KCNH5: variants seen among roughly 807,000 people sequenced by gnomAD.
KCNH5 encodes the protein potassium voltage-gated channel subfamily H member 5.
A neutral mutation model predicts 96.1 loss-of-function variants in KCNH5; 46 were observed. The ratio of observed to expected loss-of-function variants is 0.48; its 90% confidence interval spans 0.38 to 0.61. The LOEUF (loss-of-function observed/expected upper bound fraction) is 0.61, where lower values mean the gene tolerates loss of function less well. Ranked by LOEUF, KCNH5 falls within the 20% of genes least tolerant of loss-of-function variation. The pLI is 0.00. For synonymous variants in KCNH5, 439 were observed against 449.8 expected (o/e 0.98, Z 0.30); for missense variants, 907 against 1,225.8 (o/e 0.74, Z 3.88).
At chr14:63,003,090 A>G (rs1891041060) in intron 3 of KCNH5, among the ~76,000 whole-genome samples, 1 of 152,160 alleles carries the variant, frequency 6.6e-6, no homozygotes, top group Non-Finnish European at 1.5e-5. Flanking sequence ...TCTGTTAGAA[A>G]TCTGAACAGA....
At chr14:62,870,128 C>A (rs1221344095) in intron 7 of KCNH5, among the ~76,000 whole-genome samples, 1 of 152,114 alleles carries the variant, frequency 6.6e-6, no homozygotes, top group African/African-American at 2.4e-5. Flanking sequence ...ATAAGTCTCC[C>A]AACAAGCTTA....
intron 8 of KCNH5, among the ~76,000 whole-genome samples, chr14:62,827,870 T>A (rs575384744): frequency 6.6e-6 from 1 of 152,108 alleles, no homozygotes; most frequent in African/African-American, 2.4e-5. Flanking sequence ...CATGTTTTGA[T>A]GGGCACCAAC....
Position 62,779,900 on chromosome 14 carries a change from A to T in KCNH5, c.1847T>A (p.Ile616Asn), listed in dbSNP as rs753938626. 3.2e-5 allele frequency: 52 copies of T among 1,613,350 alleles called. No homozygotes were observed. The highest frequency in any genetic ancestry group is 4.2e-5 in the Non-Finnish European group (50 of 1,179,634). Residue 616 changes from isoleucine to asparagine, a missense_variant, in exon 10 of 11, where the codon ATC becomes AAC. Coordinates refer to ENST00000322893, the MANE Select transcript of KCNH5 (RefSeq NM_139318.5). Reference protein sequence around the residue: ...ILGKGDVFGDIFWKETTLAHA... With the variant: ...ILGKGDVFGDNFWKETTLAHA... The stretch of plus-strand genomic sequence containing the variant: ...GGCAAGGGTGGTTTCCTTCCAGAAG[A>T]TGTCTCCAAATACATCACCCTTCCC...
chr14:62,940,765 C>T (rs2140123006), intron 7 of KCNH5, among the ~76,000 whole-genome samples: 1 of 152,278 alleles, frequency 6.6e-6, no homozygotes, highest in East Asian at 1.9e-4. Flanking sequence ...CCTAGAAATC[C>T]TCCTGGGCTC....
At chr14:62,877,144 T>G (rs111891324) in intron 7 of KCNH5, among the ~76,000 whole-genome samples, 7,604 of 152,038 alleles carry the variant, frequency 0.05, 638 homozygotes, top group African/African-American at 0.17. Context: ...TAGCCATATG[T>G]AGAAAGCTGA....
Position 62,876,907 on chromosome 14 carries a change from T to C in KCNH5, c.1370-27055A>G, listed in dbSNP as rs751722116. ...GAATACTGATTCTTACTTCACATTA[T>C]ATGTAAAAATTTTGAAAATAGATCA... On this transcript the variant is annotated intron_variant, in intron 7 of 10. Transcript: ENST00000322893. Among the ~76,000 whole-genome samples, 14 of 152,354 alleles carry C rather than the reference T, an allele frequency of 9.2e-5. 1 individual carries two copies. Among genetic ancestry groups the C allele is most frequent in the Non-Finnish European group, 2.1e-4 (14 of 68,028 alleles).
chr14:62,873,103 T>C (rs1888291903), intron 7 of KCNH5, among the ~76,000 whole-genome samples: 2 of 140,238 alleles, frequency 1.4e-5, no homozygotes, highest in East Asian at 2.2e-4. Context: ...TGAGCCAAGA[T>C]CGCGCCACTG....
rs9919894 is a variant in KCNH5 at position 62,809,571 on chromosome 14, C to A, written c.1570-6990G>T. On this transcript the variant is annotated intron_variant, in intron 8 of 10. Transcript: ENST00000322893. The stretch of plus-strand genomic sequence containing the variant: ...TCATAGGTATTTGAGGGTACAAACC[C>A]ATGGCAGGGCTTGGCTTTAAAAAAG... 3.9e-3 allele frequency among the ~76,000 whole-genome samples: 595 copies of A among 152,144 alleles called. 9 individuals are homozygous for A. Among genetic ancestry groups the A allele is most frequent in the African/African-American group, 0.013 (557 of 41,518 alleles).
chr14:62,978,500 T>C (rs906567105), intron 6 of KCNH5, among the ~76,000 whole-genome samples: 30 of 149,982 alleles, frequency 2.0e-4, no homozygotes, highest in Non-Finnish European at 2.8e-4. Flanking sequence ...GGCCGGAGAA[T>C]GGCGTGAACC....
chr14:62,733,900 T>G (rs761806661), intron 10 of KCNH5, among the ~76,000 whole-genome samples: 1 of 152,142 alleles, frequency 6.6e-6, no homozygotes, highest in African/African-American at 2.4e-5. Context: ...CATTACGTTC[T>G]TTTCCCAAGT....
chr14:62,937,994 G>A (rs1469384936), intron 7 of KCNH5, among the ~76,000 whole-genome samples: 3 of 152,158 alleles, frequency 2.0e-5, no homozygotes, highest in Admixed American at 6.5e-5. Context: ...AAAAGTTCCC[G>A]AGGTCTACTA....
At chr14:62,955,734 C>G (rs538682661) in intron 6 of KCNH5, among the ~76,000 whole-genome samples, 1 of 152,200 alleles carries the variant, frequency 6.6e-6, no homozygotes, top group Non-Finnish European at 1.5e-5. Flanking sequence ...TCAGTCACAG[C>G]AATGGCCACG....
chr14:62,934,216 T>A (rs1354376275), intron 7 of KCNH5, among the ~76,000 whole-genome samples: 1 of 150,570 alleles, frequency 6.6e-6, no homozygotes, highest in Non-Finnish European at 1.5e-5. Flanking sequence ...AACCTCCGCC[T>A]CCCGGGTTCA....
chr14:63,002,348 G>C (rs929920842), intron 3 of KCNH5, among the ~76,000 whole-genome samples: 2 of 152,138 alleles, frequency 1.3e-5, no homozygotes, highest in Admixed American at 1.3e-4. Flanking sequence ...TGCCTTCAAA[G>C]GTGTAATTAT....
chr14:62,993,053 C>G (rs183328732), intron 4 of KCNH5, among the ~76,000 whole-genome samples: 1 of 152,180 alleles, frequency 6.6e-6, no homozygotes, highest in African/African-American at 2.4e-5. Flanking sequence ...TATCCCAGCA[C>G]CAGTTATTGA....
At chr14:62,731,032 G>T (rs951047678) in intron 10 of KCNH5, among the ~76,000 whole-genome samples, 1 of 152,188 alleles carries the variant, frequency 6.6e-6, no homozygotes, top group Admixed American at 6.6e-5. Flanking sequence ...CAGGTGCAGT[G>T]GCTTACACCT....
At chr14:62,964,445 G>A (rs1890268326) in intron 6 of KCNH5, among the ~76,000 whole-genome samples, 1 of 151,756 alleles carries the variant, frequency 6.6e-6, no homozygotes, top group Non-Finnish European at 1.5e-5. Context: ...TTTATTTGTA[G>A]AGCATATCAC....
At chr14:62,892,666 T>A (rs1888734608) in intron 7 of KCNH5, among the ~76,000 whole-genome samples, 1 of 152,292 alleles carries the variant, frequency 6.6e-6, no homozygotes, top group Admixed American at 6.5e-5. Context: ...TGTCAGTAGT[T>A]AATGCAGCCA....
rs1887308444 is a variant in KCNH5, at chr14:62,829,961, A to G, written c.1569+19692T>C. Reference sequence around the variant, plus strand: ...CGGATATTACTGTATACTTTCAGAAAAAGTCAGGTCACGTCTTGAATGCTT... The same window carrying G: ...CGGATATTACTGTATACTTTCAGAAGAAGTCAGGTCACGTCTTGAATGCTT... On this transcript the variant is annotated intron_variant, in intron 8 of 10. Transcript: ENST00000322893. Among the ~76,000 whole-genome samples, 3 of 152,308 alleles carry G rather than the reference A, an allele frequency of 2.0e-5. No individual in the cohort carries two copies. The South Asian group carries it at 6.2e-4, about 32-fold the overall frequency.
Sources: gnomAD v4.1 joint callset for allele counts (sites outside exome capture counted in the v4.1 genomes callset) on GRCh38, gnomAD v4.1.1 for gene constraint, MANE v1.5 for transcripts, NCBI Gene and HGNC (gene_info 2026-07-23, HGNC 2026-07-21) for gene names.